The following MDGA2 variants were observed in gnomAD, a reference collection of about 807,000 sequenced individuals.
MDGA2 encodes MAM domain containing glycosylphosphatidylinositol anchor 2.
MDGA2 carries 40 observed loss-of-function variants against 117.8 expected under a neutral mutation model. The ratio of observed to expected loss-of-function variants is 0.34; its 90% CI spans 0.26 to 0.44. The LOEUF is 0.44. Ranked by LOEUF, MDGA2 falls within the 20% of genes least tolerant of loss-of-function variation. The pLI, the probability that MDGA2 is intolerant of heterozygous loss-of-function variation, is 1.00. For synonymous variants in MDGA2, 452 were observed against 439.0 expected (o/e 1.03, Z -0.37); for missense variants, 1,123 against 1,250.6 (o/e 0.90, Z 1.54).
intron 3 of MDGA2, among the ~76,000 whole-genome samples, chr14:47,185,960 A>G (rs1283499465): frequency 1.3e-5 from 2 of 151,644 alleles, no homozygotes; most frequent in African/African-American, 4.8e-5. Flanking sequence ...TATAATTAGG[A>G]TGGAAGGCTT....
chr14:46,970,340 C>T (rs925752346), intron 8 of MDGA2, among the ~76,000 whole-genome samples: 2 of 151,904 alleles, frequency 1.3e-5, no homozygotes, highest in African/African-American at 4.8e-5. Context: ...GTATAGCAGT[C>T]GTATAAAAAC....
At chr14:47,159,691 C>T (rs1883552494) in intron 3 of MDGA2, among the ~76,000 whole-genome samples, 2 of 152,160 alleles carry the variant, frequency 1.3e-5, no homozygotes, top group Admixed American at 1.3e-4. Context: ...TTTATATTTG[C>T]ACTTCCCTGA....
intron 1 of MDGA2, among the ~76,000 whole-genome samples, chr14:47,344,490 G>C (rs1890720163): frequency 6.6e-6 from 1 of 152,098 alleles, no homozygotes. Context: ...TTTACAAGAT[G>C]TATGATGGCT....
chr14:47,589,398 T>C (rs945515188), intron 1 of MDGA2, among the ~76,000 whole-genome samples: 1 of 152,020 alleles, frequency 6.6e-6, no homozygotes, highest in Admixed American at 6.6e-5. Context: ...CTTTTGCATG[T>C]GCACATCCAT....
intron 1 of MDGA2, among the ~76,000 whole-genome samples, chr14:47,609,542 T>A (rs1896810220): frequency 6.8e-6 from 1 of 147,178 alleles, no homozygotes; most frequent in South Asian, 2.2e-4. Context: ...TGTGCTGCTA[T>A]AAAAATGTGT....
At chr14:46,870,652 C>T (rs1437972422) in intron 14 of MDGA2, among the ~76,000 whole-genome samples, 1 of 151,828 alleles carries the variant, frequency 6.6e-6, no homozygotes, top group Non-Finnish European at 1.5e-5. Flanking sequence ...TCTGATGAAG[C>T]AAAGAAATGA....
chr14:47,664,041 T>G (rs1256859725), intron 1 of MDGA2, among the ~76,000 whole-genome samples: 2 of 152,118 alleles, frequency 1.3e-5, no homozygotes, highest in African/African-American at 2.4e-5. Flanking sequence ...TCTGGAGCTC[T>G]CAAATGAGGG....
chr14:47,251,545 G>C (rs1400145585), intron 2 of MDGA2, among the ~76,000 whole-genome samples: 1 of 152,062 alleles, frequency 6.6e-6, no homozygotes, highest in Non-Finnish European at 1.5e-5. Flanking sequence ...ACTACATCCT[G>C]AACATTGATA....
chr14:47,408,666 T>C (rs538007096), intron 1 of MDGA2, among the ~76,000 whole-genome samples: 1 of 152,220 alleles, frequency 6.6e-6, no homozygotes, highest in Non-Finnish European at 1.5e-5. Context: ...GCTGCCTCTA[T>C]ATTTGTGTAA....
At chr14:47,521,454 A>G (rs1327791775) in intron 1 of MDGA2, among the ~76,000 whole-genome samples, 2 of 152,140 alleles carry the variant, frequency 1.3e-5, no homozygotes, top group African/African-American at 2.4e-5. Context: ...ACAAACAAAT[A>G]AACAGAAAAT....
At chr14:47,171,580 T>C (rs1217661033) in intron 3 of MDGA2, among the ~76,000 whole-genome samples, 1 of 152,226 alleles carries the variant, frequency 6.6e-6, no homozygotes, top group African/African-American at 2.4e-5. Context: ...GTTTCTTTCC[T>C]GAAAATATAC....
chr14:47,393,149 C>G (rs1891934046), intron 1 of MDGA2, among the ~76,000 whole-genome samples: 1 of 150,990 alleles, frequency 6.6e-6, no homozygotes, highest in African/African-American at 2.4e-5. Context: ...AAATAGCTTG[C>G]CGTGTCAAAC....
At chr14:47,370,619 A>C (rs1256319126) in intron 1 of MDGA2, among the ~76,000 whole-genome samples, 1 of 150,380 alleles carries the variant, frequency 6.6e-6, no homozygotes, top group Non-Finnish European at 1.5e-5. Context: ...TGTGTTGTTT[A>C]TTGAAATAGT....
rs530594212 is a variant in MDGA2 at position 47,658,372 on chromosome 14, C to T, written c.280+16145G>A. 1.3e-5 allele frequency among the ~76,000 whole-genome samples: 2 copies of T among 152,120 alleles called. 1 individual carries two copies. The highest frequency in any genetic ancestry group is 4.2e-4 in the South Asian group (2 of 4,810). ...AGATCTTGGTGACCAAGATCTTAGG[C>T]CCTTCAGCTCACTTTGCCAAGTTCA... is the stretch of plus-strand genomic sequence containing the variant. On this transcript the variant is annotated intron_variant, in intron 1 of 16. Transcript: ENST00000399232.
intron 6 of MDGA2, among the ~76,000 whole-genome samples, chr14:47,077,138 C>T (rs1890525433): frequency 6.6e-6 from 1 of 152,066 alleles, no homozygotes; most frequent in Non-Finnish European, 1.5e-5. Context: ...ATTTACACTA[C>T]TGAACAGCAC....
intron 4 of MDGA2, among the ~76,000 whole-genome samples, chr14:47,136,293 T>A (rs1247758442): frequency 6.6e-6 from 1 of 150,694 alleles, no homozygotes; most frequent in African/African-American, 2.4e-5. Context: ...TGCCTCCAGG[T>A]TCAAGCGATT....
At chr14:47,507,374 G>A (rs1046744212) in intron 1 of MDGA2, among the ~76,000 whole-genome samples, 3 of 152,120 alleles carry the variant, frequency 2.0e-5, no homozygotes, top group African/African-American at 7.2e-5. Context: ...TGAACTACCA[G>A]GAGAGCAGGA....
At chr14:47,359,748 CAAAAAAA>C (rs71448198) in intron 1 of MDGA2, among the ~76,000 whole-genome samples, 1 of 110,786 alleles carries the variant, frequency 9.0e-6, no homozygotes, top group African/African-American at 3.5e-5. Context: ...AAGACTGTCT[CAAAAAAA>C]AAAAAAAAAA....
chr14:47,304,329 C>T (rs756638854), intron 1 of MDGA2, among the ~76,000 whole-genome samples: 3 of 152,104 alleles, frequency 2.0e-5, no homozygotes, highest in Non-Finnish European at 2.9e-5. Context: ...TAAACGAGAC[C>T]AAAGCCACTG....
Sources: allele counts gnomAD v4.1 joint callset (sites outside exome capture counted in the v4.1 genomes callset), GRCh38; gene constraint gnomAD v4.1.1; transcripts MANE v1.5; gene names NCBI Gene and HGNC (gene_info 2026-07-23, HGNC 2026-07-21).